Variants in ADARB2 observed in about 807,000 individuals in gnomAD.
ADARB2 encodes the protein inactive double-stranded RNA-specific editase B2.
A neutral mutation model predicts 62.2 loss-of-function variants in ADARB2; 25 were observed. The observed-to-expected ratio is 0.40, with a 90% CI of 0.29 to 0.56. The LOEUF (loss-of-function observed/expected upper bound fraction) is 0.56, where lower values mean the gene tolerates loss of function less well. Ranked by LOEUF, ADARB2 falls within the 20% of genes least tolerant of loss-of-function variation. ADARB2 has a pLI of 0.43. For missense variants in ADARB2, 1,071 were observed against 1,077.4 expected (o/e 0.99, Z 0.08); for synonymous variants, 572 against 500.8 (o/e 1.14, Z -1.90).
intron 4 of ADARB2, among the ~76,000 whole-genome samples, chr10:1,265,542 GC>G (rs1831187420): frequency 6.6e-6 from 1 of 151,238 alleles, no homozygotes; most frequent in African/African-American, 2.4e-5. Flanking sequence ...GACGCCCTGA[GC>G]GGGGGCCCAG....
intron 1 of ADARB2, among the ~76,000 whole-genome samples, chr10:1,654,524 C>A (rs1030941303): frequency 2.0e-5 from 3 of 152,216 alleles, no homozygotes; most frequent in African/African-American, 7.2e-5. Context: ...ACCCCTCTTT[C>A]CACCTGTGCA....
At chr10:1,505,141 GAC>G (rs1221775522) in intron 1 of ADARB2, among the ~76,000 whole-genome samples, 4 of 150,946 alleles carry the variant, frequency 2.6e-5, no homozygotes, top group Non-Finnish European at 5.9e-5. Context: ...CACACATACA[GAC>G]ACACTGATAC....
chr10:1,434,223 C>T (rs12263022), intron 1 of ADARB2, among the ~76,000 whole-genome samples: 5,973 of 152,136 alleles, frequency 0.039, 395 homozygotes, highest in African/African-American at 0.14. Flanking sequence ...TAAAATAACA[C>T]GAAGAGGTGA....
Position 1,216,933 on chromosome 10 carries a change from G to C in ADARB2, c.1682+18C>G, listed in dbSNP as rs781546376. The C allele has an allele frequency of 2.4e-5, 22 of 932,418 alleles. No homozygotes were observed. The highest frequency in any genetic ancestry group is 2.8e-5 in the Non-Finnish European group (18 of 651,284). 57.8% of individuals were successfully genotyped at this position (932,418 alleles called of 1,614,324 possible). A position where few individuals can be genotyped will look rare whatever the true frequency, so the allele number is the denominator to read the frequency against. ...CCGGCCGCAGCCAACATCCTCGAGA[G>C]GAAGCCGTGGGCCTCACCTGGCGAT... On this transcript the variant is annotated intron_variant, in intron 7 of 9. Transcript: ENST00000381312.
intron 1 of ADARB2, among the ~76,000 whole-genome samples, chr10:1,555,478 G>A (rs74635414): frequency 0.016 from 2,467 of 152,204 alleles, 67 homozygotes; most frequent in African/African-American, 0.054. Flanking sequence ...GAAGTTTCAG[G>A]GAACTCATGT....
chr10:1,646,302 T>G (rs11595576), intron 1 of ADARB2, among the ~76,000 whole-genome samples: 4 of 151,882 alleles, frequency 2.6e-5, no homozygotes, highest in Admixed American at 2.6e-4. Flanking sequence ...CAAAATGGCA[T>G]GAAAGCTCAA....
chr10:1,294,589 C>T (rs528447463), intron 3 of ADARB2, among the ~76,000 whole-genome samples: 4 of 152,280 alleles, frequency 2.6e-5, no homozygotes, highest in South Asian at 2.1e-4. Context: ...AGGACTTCTC[C>T]GGCTCTGACA....
chr10:1,434,335 A>T (rs1400627745), intron 1 of ADARB2, among the ~76,000 whole-genome samples: 1 of 152,144 alleles, frequency 6.6e-6, no homozygotes, highest in East Asian at 1.9e-4. Context: ...TCTGGCCCTC[A>T]CTCTCCAAGG....
chr10:1,393,124 C>T (rs753075310), intron 1 of ADARB2, among the ~76,000 whole-genome samples: 4 of 152,184 alleles, frequency 2.6e-5, no homozygotes, highest in Admixed American at 6.5e-5. Context: ...AGCAACTAGT[C>T]GCACAGCCAA....
chr10:1,660,871 T>C (rs1834237482), intron 1 of ADARB2, among the ~76,000 whole-genome samples: 1 of 152,204 alleles, frequency 6.6e-6, no homozygotes, highest in African/African-American at 2.4e-5. Flanking sequence ...TTTTAAGTTC[T>C]CCTTGATTAA....
rs955046487 is a variant in ADARB2, at chr10:1,178,979, G to T, written c.*4214C>A. On this transcript the variant is annotated 3_prime_UTR_variant, in exon 10 of 10. Coordinates refer to ENST00000381312, the MANE Select transcript of ADARB2 (RefSeq NM_018702.4). ...TATTGTATTTTGGGCCAATTAGTCA[G>T]ATTATTTTATTAGAATGGCTTCTTA... is the stretch of plus-strand genomic sequence containing the variant. 6.6e-6 allele frequency: 1 copy of T among 152,196 alleles called. No homozygotes were observed. Among genetic ancestry groups the T allele is most frequent in the Admixed American group, 6.5e-5 (1 of 15,272 alleles). The allele number at this position is 152,196 out of a possible 1,614,324, so 9.4% of individuals were successfully genotyped here.
At chr10:1,690,602 C>T (rs1834656298) in intron 1 of ADARB2, among the ~76,000 whole-genome samples, 1 of 152,102 alleles carries the variant, frequency 6.6e-6, no homozygotes, top group Non-Finnish European at 1.5e-5. Flanking sequence ...GAGAGAAAGG[C>T]AGATAGGAGG....
chr10:1,502,486 G>A (rs1831778291), intron 1 of ADARB2, among the ~76,000 whole-genome samples: 1 of 152,244 alleles, frequency 6.6e-6, no homozygotes, highest in African/African-American at 2.4e-5. Context: ...AAGGTTTTGG[G>A]TCACCCCTCC....
chr10:1,627,543 A>G (rs952990078), intron 1 of ADARB2, among the ~76,000 whole-genome samples: 1 of 152,178 alleles, frequency 6.6e-6, no homozygotes, highest in African/African-American at 2.4e-5. Context: ...AAGCTGTGAA[A>G]ACTTCATGTA....
rs77028342 is a variant in ADARB2, at chr10:1,559,987, G to A, written c.100+177064C>T. Among the ~76,000 whole-genome samples the A allele has an allele frequency of 2.7e-3, 408 of 152,300 alleles. 17 individuals carry two copies. In the East Asian group the frequency reaches 0.07, roughly 26 times the overall value. ...AGATCTGAGTGAGGAATCCCACTGC[G>A]TGGACGGCAGGTGAAAACTGTCAGT... On this transcript the variant is annotated intron_variant, in intron 1 of 9. Coordinates refer to ENST00000381312, the MANE Select transcript of ADARB2 (RefSeq NM_018702.4).
chr10:1,476,770 C>A (rs1033835210), intron 1 of ADARB2, among the ~76,000 whole-genome samples: 1 of 152,140 alleles, frequency 6.6e-6, no homozygotes, highest in African/African-American at 2.4e-5. Flanking sequence ...GAGGCGTCCC[C>A]GTGCATCCAA....
chr10:1,331,541 C>A (rs1195437918), intron 3 of ADARB2, among the ~76,000 whole-genome samples: 4 of 152,122 alleles, frequency 2.6e-5, no homozygotes, highest in Admixed American at 2.6e-4. Context: ...CCAGAATAGG[C>A]AAATCATAGA....
intron 1 of ADARB2, among the ~76,000 whole-genome samples, chr10:1,439,106 G>A (rs1588258310): frequency 7.0e-6 from 1 of 143,368 alleles, no homozygotes; most frequent in South Asian, 2.3e-4. Context: ...ATGGAGGCAG[G>A]TCCTTCACTA....
At chr10:1,293,736 G>A (rs1427355468) in intron 3 of ADARB2, among the ~76,000 whole-genome samples, 4 of 152,130 alleles carry the variant, frequency 2.6e-5, no homozygotes, top group African/African-American at 4.8e-5. Context: ...ACTGACAAGG[G>A]GAAATAAATC....
Sources: gnomAD v4.1 joint callset for allele counts (sites outside exome capture counted in the v4.1 genomes callset) on GRCh38, gnomAD v4.1.1 for gene constraint, MANE v1.5 for transcripts, NCBI Gene and HGNC (gene_info 2026-07-23, HGNC 2026-07-21) for gene names.